The following SGIP1 variants were observed in gnomAD, a reference collection of about 807,000 sequenced individuals.
SGIP1 encodes the protein SH3-containing GRB2-like protein 3-interacting protein 1.
Under a neutral mutation model 107.5 loss-of-function variants are expected in SGIP1, and 38 were observed. That is an observed-to-expected ratio of 0.35 (90% CI 0.27 to 0.46). The LOEUF is 0.46. Among genes scored for constraint, SGIP1 ranks in the 20% least tolerant of loss-of-function variants. The pLI, the probability that SGIP1 is intolerant of heterozygous loss-of-function variation, is 1.00. For synonymous variants in SGIP1, 365 were observed against 366.1 expected (o/e 1.00, Z 0.03); for missense variants, 929 against 1,019.5 (o/e 0.91, Z 1.21).
chr1:66,537,415 G>T (rs1471996062), intron 1 of SGIP1, among the ~76,000 whole-genome samples: 4 of 152,046 alleles, frequency 2.6e-5, no homozygotes, highest in East Asian at 1.9e-4. Context: ...ACTATTTTTT[G>T]ATATATTATT....
At chr1:66,669,671 GTATT>G (rs2083340059) in intron 9 of SGIP1, among the ~76,000 whole-genome samples, 1 of 152,134 alleles carries the variant, frequency 6.6e-6, no homozygotes, top group Admixed American at 6.5e-5. Flanking sequence ...TTATTAGAAA[GTATT>G]TATAAATAGT....
intron 1 of SGIP1, among the ~76,000 whole-genome samples, chr1:66,580,251 A>G (rs2061635581): frequency 6.6e-6 from 1 of 152,158 alleles, no homozygotes; most frequent in Non-Finnish European, 1.5e-5. Flanking sequence ...CTAAGGCCCC[A>G]CTACAACTCC....
At chr1:66,645,546 A>G (rs1429985085) in intron 7 of SGIP1, among the ~76,000 whole-genome samples, 3 of 152,162 alleles carry the variant, frequency 2.0e-5, no homozygotes, top group Non-Finnish European at 4.4e-5. Flanking sequence ...CTGCAAACCA[A>G]CAACGCCACA....
At chr1:66,670,658 C>A (rs191176247) in intron 9 of SGIP1, among the ~76,000 whole-genome samples, 1 of 152,096 alleles carries the variant, frequency 6.6e-6, no homozygotes, top group Non-Finnish European at 1.5e-5. Context: ...TGCTAAACTT[C>A]GATTTACTTT....
intron 17 of SGIP1, among the ~76,000 whole-genome samples, chr1:66,691,860 C>T (rs2089924909): frequency 6.6e-6 from 1 of 152,138 alleles, no homozygotes; most frequent in Non-Finnish European, 1.5e-5. Flanking sequence ...GAAAATAGCA[C>T]ACACAAAGAA....
At chr1:66,739,655 A>T in intron 22 of SGIP1, 118 bp downstream of exon 22, 1 of 981,134 alleles carries the variant, frequency 1.0e-6, no homozygotes, top group South Asian at 1.6e-5. Flanking sequence ...ATTAGGGTTC[A>T]GGGCAGGAAA....
chr1:66,632,712 G>C (rs1388184140), intron 2 of SGIP1, among the ~76,000 whole-genome samples: 4 of 152,132 alleles, frequency 2.6e-5, no homozygotes, highest in Non-Finnish European at 5.9e-5. Context: ...GTTTTAAATG[G>C]AGCCAGCTAG....
intron 1 of SGIP1, among the ~76,000 whole-genome samples, chr1:66,598,342 T>G (rs1387366601): frequency 6.6e-6 from 1 of 152,186 alleles, no homozygotes; most frequent in Non-Finnish European, 1.5e-5. Context: ...AGAGCCACAG[T>G]TTCCCAACTG....
intron 18 of SGIP1, among the ~76,000 whole-genome samples, chr1:66,701,812 CA>C (rs1471756355): frequency 6.6e-6 from 1 of 152,188 alleles, no homozygotes; most frequent in Non-Finnish European, 1.5e-5. Context: ...AGAAAGCCAG[CA>C]AAGTGTCCCC....
chr1:66,608,482 C>T (rs2067283639), intron 1 of SGIP1, among the ~76,000 whole-genome samples: 1 of 152,104 alleles, frequency 6.6e-6, no homozygotes, highest in East Asian at 1.9e-4. Flanking sequence ...CTATTTTAAA[C>T]CATTTTAAAA....
At chr1:66,557,119 A>G (rs1404137420) in intron 1 of SGIP1, among the ~76,000 whole-genome samples, 2 of 152,142 alleles carry the variant, frequency 1.3e-5, no homozygotes, top group Non-Finnish European at 2.9e-5. Context: ...CAGTCAGAGA[A>G]TATACCTAGC....
chr1:66,545,220 A>G (rs1343401568), intron 1 of SGIP1, among the ~76,000 whole-genome samples: 1 of 152,184 alleles, frequency 6.6e-6, no homozygotes, highest in Non-Finnish European at 1.5e-5. Flanking sequence ...TGTGCTGTGC[A>G]AAGCTTTCAC....
At chr1:66,720,854 A>G (rs1016061470) in intron 19 of SGIP1, among the ~76,000 whole-genome samples, 13 of 152,216 alleles carry the variant, frequency 8.5e-5, no homozygotes, top group African/African-American at 2.9e-4. Context: ...ATCTCCATAT[A>G]TATTTTAAGT....
At chr1:66,655,896 T>G (rs1397767993) in intron 7 of SGIP1, among the ~76,000 whole-genome samples, 1 of 152,118 alleles carries the variant, frequency 6.6e-6, no homozygotes, top group Non-Finnish European at 1.5e-5. Context: ...TACCCTAAAT[T>G]TATAAAATTA....
intron 1 of SGIP1, among the ~76,000 whole-genome samples, chr1:66,569,054 T>C (rs2060037356): frequency 1.3e-5 from 2 of 151,922 alleles, no homozygotes; most frequent in South Asian, 2.1e-4. Context: ...TAAGAATGAA[T>C]TATGAGAATT....
At chr1:66,589,609 GT>G (rs1187058792) in intron 1 of SGIP1, among the ~76,000 whole-genome samples, 1 of 152,054 alleles carries the variant, frequency 6.6e-6, no homozygotes, top group Admixed American at 6.6e-5. Context: ...CCAAATGCCT[GT>G]GAAAAACACT....
chr1:66,713,038 C>T (rs577715009), intron 18 of SGIP1, among the ~76,000 whole-genome samples: 1 of 152,242 alleles, frequency 6.6e-6, no homozygotes, highest in Non-Finnish European at 1.5e-5. Flanking sequence ...ATAACTCTCT[C>T]CTGACTTCTA....
intron 12 of SGIP1, among the ~76,000 whole-genome samples, chr1:66,675,000 G>A (rs962171635): frequency 2.0e-5 from 3 of 152,168 alleles, no homozygotes; most frequent in Non-Finnish European, 4.4e-5. Context: ...TGATTTTAAT[G>A]TCCATAACTT....
intron 1 of SGIP1, among the ~76,000 whole-genome samples, chr1:66,566,936 T>C (rs1325578934): frequency 6.6e-6 from 1 of 151,990 alleles, no homozygotes; most frequent in Non-Finnish European, 1.5e-5. Flanking sequence ...CATTCAACTT[T>C]CACTTATGAG....
Sources: allele counts gnomAD v4.1 joint callset (sites outside exome capture counted in the v4.1 genomes callset), GRCh38; gene constraint gnomAD v4.1.1; transcripts MANE v1.5; gene names NCBI Gene and HGNC (gene_info 2026-07-23, HGNC 2026-07-21).